The following ITGB5 variants were observed in gnomAD, a reference collection of about 807,000 sequenced individuals.
ITGB5 encodes integrin subunit beta 5.
A neutral mutation model predicts 84.8 loss-of-function variants in ITGB5; 38 were observed. The observed-to-expected ratio is 0.45, with a 90% confidence interval of 0.35 to 0.59. The LOEUF (loss-of-function observed/expected upper bound fraction) is 0.59, where lower values mean the gene tolerates loss of function less well. ITGB5 is among the 20% of genes least tolerant of loss of function. The pLI is 0.01. For missense variants in ITGB5, 905 were observed against 1,034.5 expected, an observed-to-expected ratio of 0.87 and a Z score of 1.72; for synonymous variants, 393 against 414.4, an observed-to-expected ratio of 0.95 and a Z score of 0.63.
chr3:124,884,695 A>C (rs1483177970), intron 1 of ITGB5, among the ~76,000 whole-genome samples: 1 of 152,186 alleles, frequency 6.6e-6, no homozygotes, highest in East Asian at 1.9e-4. Context: ...TGTCTCAAAA[A>C]AAAAGAAAAG....
chr3:124,781,164 A>C (rs1235546509), intron 10 of ITGB5: 1 of 152,140 alleles, frequency 6.6e-6, no homozygotes, highest in Admixed American at 6.5e-5. Context: ...TGCTGGGCCA[A>C]CCACAGTCCT....
chr3:124,898,782 A>AG (rs939883834), intron 1 of ITGB5, among the ~76,000 whole-genome samples: 1 of 146,734 alleles, frequency 6.8e-6, no homozygotes, highest in African/African-American at 2.5e-5. Flanking sequence ...TTAAAAAAAA[A>AG]AAAAAAAAAA....
intron 3 of ITGB5, among the ~76,000 whole-genome samples, chr3:124,855,452 T>C (rs2065210642): frequency 6.6e-6 from 1 of 152,184 alleles, no homozygotes; most frequent in South Asian, 2.1e-4. Context: ...CATTTTTCTC[T>C]CCCCACAAAT....
At chr3:124,776,064 G>A (rs2063922172) in intron 10 of ITGB5, among the ~76,000 whole-genome samples, 1 of 152,240 alleles carries the variant, frequency 6.6e-6, no homozygotes, top group African/African-American at 2.4e-5. Context: ...GGGAAGGAAA[G>A]CCAGACTCGG....
intron 7 of ITGB5, among the ~76,000 whole-genome samples, chr3:124,819,143 A>ACTG (rs2064658233): frequency 6.6e-6 from 1 of 152,140 alleles, no homozygotes; most frequent in Admixed American, 6.5e-5. Flanking sequence ...CCATACCCAG[A>ACTG]CTGCTCTATT....
chr3:124,779,308 G>A (rs2063968900), intron 10 of ITGB5, among the ~76,000 whole-genome samples: 1 of 152,106 alleles, frequency 6.6e-6, no homozygotes, highest in Non-Finnish European at 1.5e-5. Flanking sequence ...GTGGAGGGAT[G>A]AGACAATCTC....
At chr3:124,864,096 C>CTTT (rs558311822) in intron 2 of ITGB5, among the ~76,000 whole-genome samples, 3 of 45,530 alleles carry the variant, frequency 6.6e-5, no homozygotes, top group Non-Finnish European at 8.6e-5. Flanking sequence ...ACCTATATTT[C>CTTT]TTTTTTTTTT....
At chr3:124,833,666 G>A (rs1216796973) in intron 5 of ITGB5, among the ~76,000 whole-genome samples, 5 of 152,202 alleles carry the variant, frequency 3.3e-5, no homozygotes, top group Non-Finnish European at 7.3e-5. Flanking sequence ...CATCCAGGAT[G>A]GGACAAGCTT....
intron 3 of ITGB5, among the ~76,000 whole-genome samples, chr3:124,852,299 T>A (rs1353155041): frequency 3.3e-5 from 5 of 152,032 alleles, no homozygotes; most frequent in African/African-American, 1.2e-4. Context: ...TGTAGCTATA[T>A]CCCTTCTCTC....
intron 1 of ITGB5, among the ~76,000 whole-genome samples, chr3:124,894,797 G>C (rs1047623492): frequency 6.6e-6 from 1 of 152,192 alleles, no homozygotes; most frequent in Admixed American, 6.5e-5. Flanking sequence ...ATGGAGAAGA[G>C]ACACAGAACA....
At chr3:124,810,491 A>G (rs1290361736) in intron 8 of ITGB5, among the ~76,000 whole-genome samples, 5 of 152,222 alleles carry the variant, frequency 3.3e-5, no homozygotes, top group African/African-American at 1.2e-4. Context: ...GTAGCTACTC[A>G]GGGGGCTGAG....
intron 10 of ITGB5, among the ~76,000 whole-genome samples, chr3:124,778,176 G>A (rs1016182212): frequency 2.0e-5 from 3 of 152,248 alleles, no homozygotes; most frequent in African/African-American, 7.2e-5. Flanking sequence ...TAGGGATACT[G>A]AAGGACATGT....
chr3:124,785,398 A>G (rs568717148), intron 10 of ITGB5, among the ~76,000 whole-genome samples: 8 of 152,060 alleles, frequency 5.3e-5, no homozygotes, highest in African/African-American at 1.7e-4. Flanking sequence ...TCTGGCCAAC[A>G]TAGTGAAACT....
chr3:124,858,566 A>T (rs1434770303), intron 3 of ITGB5, among the ~76,000 whole-genome samples: 3 of 152,238 alleles, frequency 2.0e-5, no homozygotes, highest in Non-Finnish European at 4.4e-5. Context: ...CCAAAAAAGG[A>T]ATGAAGTGCT....
intron 10 of ITGB5, among the ~76,000 whole-genome samples, chr3:124,775,762 G>A (rs1378109527): frequency 6.6e-6 from 1 of 152,142 alleles, no homozygotes; most frequent in Non-Finnish European, 1.5e-5. Context: ...TTCCCTGGAC[G>A]ACCAATGTGT....
At chr3:124,867,729 C>T (rs991730320) in intron 2 of ITGB5, among the ~76,000 whole-genome samples, 20 of 152,178 alleles carry the variant, frequency 1.3e-4, no homozygotes, top group Non-Finnish European at 2.6e-4. Flanking sequence ...TTGAAAGCAT[C>T]CGCACACTCT....
chr3:124,796,656 C>A lies in ITGB5; in HGVS notation c.1425G>T (p.Arg475Ser). 6.2e-7 allele frequency: 1 copy of A among 1,614,048 alleles called. No homozygotes were observed. Among genetic ancestry groups the A allele is most frequent in the Non-Finnish European group, 8.5e-7 (1 of 1,180,012 alleles). ...CSVGLEPNSARCNGSGTYVCG... is the reference protein window; with the variant it reads ...CSVGLEPNSASCNGSGTYVCG... Reference sequence around the variant, plus strand: ...AGACATAGGTCCCGCTCCCGTTGCACCTGGCGCTGTTGGGTTCCAGCCCCA... The same window carrying A: ...AGACATAGGTCCCGCTCCCGTTGCAACTGGCGCTGTTGGGTTCCAGCCCCA... Residue 475 changes from arginine (R) to serine (S), a missense_variant, in exon 10 of 15, where the codon AGG becomes AGT. By Grantham distance (110) the Arg-to-Ser change is moderately radical. Around this residue, in one of 3 missense-constraint regions of ITGB5, gnomAD observed 656 missense variants for 734.7 expected, o/e 0.89. Transcript: ENST00000296181.
At chr3:124,895,024 C>G (rs1380573182) in intron 1 of ITGB5, among the ~76,000 whole-genome samples, 1 of 152,040 alleles carries the variant, frequency 6.6e-6, no homozygotes, top group Non-Finnish European at 1.5e-5. Flanking sequence ...ATGTGGCCCA[C>G]AGGCCACAGG....
intron 4 of ITGB5, among the ~76,000 whole-genome samples, chr3:124,847,376 T>C (rs1184169003): frequency 2.0e-5 from 3 of 152,208 alleles, no homozygotes; most frequent in African/African-American, 7.2e-5. Flanking sequence ...GGCTGAAGAA[T>C]GCAATCCCCT....
Sources: gnomAD v4.1 joint callset for allele counts (sites outside exome capture counted in the v4.1 genomes callset) on GRCh38, gnomAD v4.1.1 for gene constraint, gnomAD v4.1.1 regional missense constraint, MANE v1.5 for transcripts, NCBI Gene and HGNC (gene_info 2026-07-23, HGNC 2026-07-21) for gene names.